The following GAPVD1 variants were observed in gnomAD, a reference collection of about 807,000 sequenced individuals.
The protein encoded by GAPVD1 is GTPase-activating protein and VPS9 domain-containing protein 1.
GAPVD1 carries 35 observed loss-of-function variants against 155.5 expected under a neutral mutation model. The ratio of observed to expected loss-of-function variants is 0.23; its 90% CI spans 0.17 to 0.30. The LOEUF (loss-of-function observed/expected upper bound fraction) is 0.30. GAPVD1 is among the 10% of genes least tolerant of loss of function. GAPVD1 has a pLI of 1.00. For synonymous variants in GAPVD1, 636 were observed against 619.7 expected (o/e 1.03, Z -0.39); for missense variants, 1,429 against 1,775.7 (o/e 0.80, Z 3.51).
At chr9:125,299,435 A>T (rs1840410239) in intron 4 of GAPVD1, among the ~76,000 whole-genome samples, 1 of 152,116 alleles carries the variant, frequency 6.6e-6, no homozygotes, top group Non-Finnish European at 1.5e-5. Context: ...AGGCGGGTGG[A>T]TCATGAGGGC....
chr9:125,308,523 G>C (rs543964188), intron 8 of GAPVD1: 5 of 152,100 alleles, frequency 3.3e-5, no homozygotes, highest in African/African-American at 1.2e-4. Flanking sequence ...ATTACAAAAT[G>C]AAGCAAAAGT....
At chr9:125,284,652 A>C (rs536773564) in intron 2 of GAPVD1, among the ~76,000 whole-genome samples, 1 of 152,084 alleles carries the variant, frequency 6.6e-6, no homozygotes, top group South Asian at 2.1e-4. Flanking sequence ...GTCCTTAATG[A>C]GAGGGATACA....
chr9:125,353,384 A>G (rs2132471935), intron 23 of GAPVD1, among the ~76,000 whole-genome samples: 1 of 152,200 alleles, frequency 6.6e-6, no homozygotes, highest in African/African-American at 2.4e-5. Flanking sequence ...CCATTCAACA[A>G]ATCTCTAGGA....
chr9:125,279,709 A>G (rs893308917), intron 2 of GAPVD1, among the ~76,000 whole-genome samples: 10 of 152,046 alleles, frequency 6.6e-5, no homozygotes, highest in Non-Finnish European at 1.3e-4. Context: ...TCTTCAGATA[A>G]CATCATGGTT....
intron 2 of GAPVD1, among the ~76,000 whole-genome samples, chr9:125,293,830 A>AAT (rs1204319862): frequency 4.3e-5 from 5 of 116,042 alleles, no homozygotes; most frequent in Admixed American, 1.1e-4. Context: ...AATATAAAAA[A>AAT]ATATATATAT....
At chr9:125,277,644 A>G (rs144398050) in intron 2 of GAPVD1, among the ~76,000 whole-genome samples, 1 of 151,510 alleles carries the variant, frequency 6.6e-6, no homozygotes, top group Admixed American at 6.6e-5. Flanking sequence ...TGAATGAATG[A>G]GTGAAGGAAG....
chr9:125,294,591 C>A (rs1182728376), intron 2 of GAPVD1, among the ~76,000 whole-genome samples: 1 of 151,634 alleles, frequency 6.6e-6, no homozygotes. Flanking sequence ...TGTGATCCAC[C>A]TGCCTCAGCC....
At chr9:125,272,941 C>T (rs367630131) in intron 2 of GAPVD1, among the ~76,000 whole-genome samples, 8 of 152,220 alleles carry the variant, frequency 5.3e-5, no homozygotes, top group African/African-American at 1.2e-4. Context: ...CTCCTTCATT[C>T]GGTTGTTTTG....
Position 125,355,803 on chromosome 9 carries a change from G to A in GAPVD1, c.3917G>A (p.Arg1306Gln), listed in dbSNP as rs376056156. ...GCCATTGAGCGAAGCGTGATGAACC[G>A]GATTTTCAAGCTCGCCTTCTACCCT... ...QLAIERSVMN[R>Q]IFKLAFYPNQ... is the part of the protein sequence containing the mutation. Residue 1306 changes from arginine to glutamine, a missense_variant, in exon 25 of 28, where the codon CGG (arginine) becomes CAG (glutamine). By Grantham distance (43) the Arg-to-Gln change is conservative. This residue lies in a region of GAPVD1 where 102 missense variants were observed against 196.5 expected (regional missense o/e 0.52). Transcript: ENST00000297933. 6.2e-5 allele frequency: 100 copies of A among 1,613,282 alleles called. No individual in the cohort carries two copies. The highest frequency in any genetic ancestry group is 4.0e-5 in the African/African-American group (3 of 74,866).
chr9:125,351,797 A>G (rs1033142958), intron 23 of GAPVD1, among the ~76,000 whole-genome samples: 4 of 149,992 alleles, frequency 2.7e-5, no homozygotes, highest in Admixed American at 1.3e-4. Flanking sequence ...CTGGAGTGCA[A>G]TGGTGCGATC....
chr9:125,300,023 G>GAAAAA (rs1175810085), intron 4 of GAPVD1, among the ~76,000 whole-genome samples: 1 of 666 alleles, frequency 1.5e-3, no homozygotes, highest in African/African-American at 2.2e-3. Flanking sequence ...TGTCTCAAAA[G>GAAAAA]AAAAAAAAAA....
At chr9:125,288,866 A>AG (rs1412103748) in intron 2 of GAPVD1, among the ~76,000 whole-genome samples, 1 of 152,226 alleles carries the variant, frequency 6.6e-6, no homozygotes, top group Non-Finnish European at 1.5e-5. Flanking sequence ...AGTGCTAAGG[A>AG]GAAAAAACAA....
intron 20 of GAPVD1, 46 bp downstream of exon 20, chr9:125,346,987 G>A (rs1848595988): frequency 6.3e-7 from 1 of 1,588,352 alleles, no homozygotes; most frequent in African/African-American, 1.3e-5. Flanking sequence ...TTATATCATA[G>A]TGATAAAGGT....
intron 2 of GAPVD1, among the ~76,000 whole-genome samples, chr9:125,286,363 T>G (rs774283962): frequency 6.6e-6 from 1 of 152,084 alleles, no homozygotes; most frequent in Non-Finnish European, 1.5e-5. Flanking sequence ...AGGCTGATCT[T>G]AAACTCTTGG....
At chr9:125,293,810 TTA>T (rs1238522359) in intron 2 of GAPVD1, among the ~76,000 whole-genome samples, 1 of 120,552 alleles carries the variant, frequency 8.3e-6, no homozygotes, top group Non-Finnish European at 1.7e-5. Context: ...ATTTTTATAT[TTA>T]TATATGAAAT....
At chr9:125,324,350 G>A (rs1001403011) in intron 11 of GAPVD1, among the ~76,000 whole-genome samples, 1 of 152,164 alleles carries the variant, frequency 6.6e-6, no homozygotes, top group African/African-American at 2.4e-5. Flanking sequence ...CAGCACTTTG[G>A]GTGGCTGAGG....
chr9:125,289,959 A>G (rs931202666), intron 2 of GAPVD1, among the ~76,000 whole-genome samples: 1 of 152,226 alleles, frequency 6.6e-6, no homozygotes, highest in African/African-American at 2.4e-5. Context: ...GAGCAAACCC[A>G]TGAGAATGTG....
rs1847146176 is a variant in GAPVD1 at position 125,337,111 on chromosome 9, G to T, written c.2506+16G>T. The T allele has an allele frequency of 6.2e-7, 1 of 1,600,628 alleles. No homozygotes were observed. The highest frequency in any genetic ancestry group is 2.2e-5 in the East Asian group (1 of 44,814). On this transcript the variant is annotated intron_variant, in intron 16 of 27. Transcript: ENST00000297933. ...TCACATGAAGGTAAACCAGTGAAAT[G>T]AACTTTTTCACTTATGTCACAGACA...
At chr9:125,278,413 C>T (rs548756676) in intron 2 of GAPVD1, among the ~76,000 whole-genome samples, 55 of 152,100 alleles carry the variant, frequency 3.6e-4, no homozygotes, top group African/African-American at 4.8e-4. Context: ...CCCAGGTACT[C>T]GGGAGGCTGA....
Sources: gnomAD v4.1 joint callset for allele counts (sites outside exome capture counted in the v4.1 genomes callset) on GRCh38, gnomAD v4.1.1 for gene constraint, gnomAD v4.1.1 regional missense constraint, MANE v1.5 for transcripts, NCBI Gene and HGNC (gene_info 2026-07-23, HGNC 2026-07-21) for gene names.